The following ZNF708 variants were observed in gnomAD, a reference collection of about 807,000 sequenced individuals.
ZNF708 encodes the protein ZNF15, ZNF15L1.
ZNF708 carries 44 observed loss-of-function variants against 47.0 expected under a neutral mutation model. That is an observed-to-expected ratio of 0.94 (90% CI 0.74 to 1.20). ZNF708 has a LOEUF of 1.20. Ranked by LOEUF, ZNF708 falls within the 50% of genes most tolerant of loss-of-function variation. The pLI is 0.00. For synonymous variants in ZNF708, 184 were observed against 218.5 expected, an observed-to-expected ratio of 0.84 and a Z score of 1.39; for missense variants, 557 against 656.0, an observed-to-expected ratio of 0.85 and a Z score of 1.65.
At chr19:21,312,850 C>T (rs1972928259) in intron 1 of ZNF708, among the ~76,000 whole-genome samples, 1 of 152,242 alleles carries the variant, frequency 6.6e-6, no homozygotes, top group African/African-American at 2.4e-5. Flanking sequence ...TAAAGACAAC[C>T]CATCTTCATC....
rs1972402162 is a variant in ZNF708 at position 21,291,872 on chromosome 19, A to G, written c.*1402T>C. ...AGAGAGAGACTCTGTCTCAAGGAAAACAAACAAACAAAAAAAGTATACTTT... is the reference window on the plus strand; with the variant it reads ...AGAGAGAGACTCTGTCTCAAGGAAAGCAAACAAACAAAAAAAGTATACTTT... On this transcript the variant is annotated 3_prime_UTR_variant, in exon 4 of 4. Transcript: ENST00000356929. The G allele has an allele frequency of 6.6e-6, 1 of 152,116 alleles. No homozygotes were observed. The highest frequency in any genetic ancestry group is 2.4e-5 in the African/African-American group (1 of 41,440). The allele number at this position is 152,116 out of a possible 1,614,324, so 9.4% of individuals were successfully genotyped here. A position where few individuals can be genotyped will look rare whatever the true frequency, so the allele number is the denominator to read the frequency against.
chr19:21,312,662 G>A (rs1165969992), intron 1 of ZNF708, among the ~76,000 whole-genome samples: 1 of 152,140 alleles, frequency 6.6e-6, no homozygotes, highest in South Asian at 2.1e-4. Context: ...CCCACTCTAC[G>A]TAATGGGATT....
intron 3 of ZNF708, among the ~76,000 whole-genome samples, chr19:21,300,883 A>G (rs1482071898): frequency 6.6e-6 from 1 of 151,818 alleles, no homozygotes; most frequent in Non-Finnish European, 1.5e-5. Context: ...GATGGTCTCT[A>G]ACTCCTGACC....
intron 3 of ZNF708, among the ~76,000 whole-genome samples, chr19:21,303,878 C>A (rs564126102): frequency 1.2e-4 from 18 of 151,868 alleles, no homozygotes; most frequent in African/African-American, 2.7e-4. Flanking sequence ...ATATCTCTCT[C>A]TATATATGTA....
At chr19:21,312,932 G>C (rs1972930201) in intron 1 of ZNF708, among the ~76,000 whole-genome samples, 1 of 152,224 alleles carries the variant, frequency 6.6e-6, no homozygotes, top group African/African-American at 2.4e-5. Flanking sequence ...GTCTGAATAA[G>C]TCTGCATTTG....
chr19:21,307,982 G>A (rs1372650436), intron 3 of ZNF708, among the ~76,000 whole-genome samples: 2 of 151,234 alleles, frequency 1.3e-5, no homozygotes, highest in Non-Finnish European at 2.9e-5. Context: ...TAAAATAAAG[G>A]AAGAAAGCAA....
chr19:21,297,270 ATTTTTT>A (rs1157234305), intron 3 of ZNF708, among the ~76,000 whole-genome samples: 58 of 46,660 alleles, frequency 1.2e-3, no homozygotes, highest in African/African-American at 4.0e-3. Flanking sequence ...ATATATATAT[ATTTTTT>A]TTTTTTTTTT....
chr19:21,319,194 A>T (rs1348210480), intron 1 of ZNF708, among the ~76,000 whole-genome samples: 3 of 152,154 alleles, frequency 2.0e-5, no homozygotes, highest in African/African-American at 7.2e-5. Flanking sequence ...ATGTTGTCTA[A>T]AAACACTTCA....
At chr19:21,303,929 A>G (rs1030019980) in intron 3 of ZNF708, among the ~76,000 whole-genome samples, 2 of 152,282 alleles carry the variant, frequency 1.3e-5, no homozygotes, top group Admixed American at 1.3e-4. Flanking sequence ...ATATAAAGCA[A>G]ATACTGACAA....
At chr19:21,309,208 T>C (rs368676662) in intron 3 of ZNF708, 38 bp downstream of exon 3, 79 of 1,526,648 alleles carry the variant, frequency 5.2e-5, no homozygotes, top group Non-Finnish European at 7.0e-5. Flanking sequence ...CCTTTGGACC[T>C]CACATCTGTG....
At chr19:21,297,313 A>C (rs2145151447) in intron 3 of ZNF708, among the ~76,000 whole-genome samples, 1 of 102,684 alleles carries the variant, frequency 9.7e-6, no homozygotes. Flanking sequence ...ATGGAGTCTC[A>C]CTCTGTCGCC....
At chr19:21,299,001 A>G (rs1006950395) in intron 3 of ZNF708, among the ~76,000 whole-genome samples, 2 of 152,332 alleles carry the variant, frequency 1.3e-5, no homozygotes, top group East Asian at 1.9e-4. Context: ...ACACTCTGAA[A>G]CAGAACAAGA....
Position 21,329,007 on chromosome 19 carries a change from G to T in ZNF708, c.3+203C>A, listed in dbSNP as rs566550223. 1.3e-4 allele frequency among the ~76,000 whole-genome samples: 20 copies of T among 152,334 alleles called. No individual in the cohort carries two copies. The South Asian group carries it at 3.9e-3, about 30-fold the overall frequency. The stretch of plus-strand genomic sequence containing the variant: ...GGCCAGGGCACAGTCACTGCGCAGG[G>T]AAGAGACAGGACGCCCGGGGGCCCG... On this transcript the variant is annotated intron_variant, in intron 1 of 3. Coordinates refer to ENST00000356929, the MANE Select transcript of ZNF708 (RefSeq NM_021269.3).
intron 2 of ZNF708, among the ~76,000 whole-genome samples, chr19:21,310,238 A>G (rs766204452): frequency 6.6e-6 from 1 of 151,980 alleles, no homozygotes; most frequent in Non-Finnish European, 1.5e-5. Flanking sequence ...TGAGGTCAGG[A>G]GTTCGAGATC....
chr19:21,297,262 ATATATATATTTTTTTTTTTTTTTT>A (rs1568345520), intron 3 of ZNF708, among the ~76,000 whole-genome samples: 1 of 14,142 alleles, frequency 7.1e-5, no homozygotes, highest in Non-Finnish European at 1.6e-4. Context: ...ATATATATAT[ATATATATATTTTTTTTTTTTTTTT>A]TTTTTTTTTT....
chr19:21,307,239 G>A (rs1972802214), intron 3 of ZNF708, among the ~76,000 whole-genome samples: 1 of 151,816 alleles, frequency 6.6e-6, no homozygotes, highest in African/African-American at 2.4e-5. Flanking sequence ...GCCAACTAAA[G>A]GTGGACCCCA....
intron 1 of ZNF708, among the ~76,000 whole-genome samples, chr19:21,317,115 T>TAG (rs1403970612): frequency 1.1e-5 from 1 of 94,646 alleles, no homozygotes; most frequent in Non-Finnish European, 2.1e-5. Context: ...CTACTACAAA[T>TAG]ACAAAAAAAA....
chr19:21,320,010 T>A (rs557237424), intron 1 of ZNF708, among the ~76,000 whole-genome samples: 1 of 152,194 alleles, frequency 6.6e-6, no homozygotes, highest in South Asian at 2.1e-4. Context: ...ACCCCATCTC[T>A]ACTAAAAATA....
chr19:21,318,350 C>G (rs1166171701), intron 1 of ZNF708: 1 of 152,092 alleles, frequency 6.6e-6, no homozygotes, highest in Admixed American at 6.5e-5. Context: ...TTGTCAACAC[C>G]AAGGGATAGC....
Sources: allele counts gnomAD v4.1 joint callset (sites outside exome capture counted in the v4.1 genomes callset), GRCh38; gene constraint gnomAD v4.1.1; transcripts MANE v1.5; gene names NCBI Gene and HGNC (gene_info 2026-07-23, HGNC 2026-07-21).